SEPTIN14: variants seen among roughly 807,000 people sequenced by gnomAD.
SEPTIN14 encodes the protein septin-14.
Under a neutral mutation model 53.6 loss-of-function variants are expected in SEPTIN14, and 40 were observed. The ratio of observed to expected loss-of-function variants is 0.75; its 90% CI spans 0.58 to 0.97. The LOEUF (loss-of-function observed/expected upper bound fraction) is 0.97, where lower values mean the gene tolerates loss of function less well. SEPTIN14 is among the 50% of genes least tolerant of loss of function. The probability of loss-of-function intolerance (pLI) is 0.00; values close to 1 mark genes in which losing one functional copy is unlikely to be tolerated. For synonymous variants in SEPTIN14, 138 were observed against 166.8 expected, an observed-to-expected ratio of 0.83 and a Z score of 1.33; for missense variants, 471 against 508.2, an observed-to-expected ratio of 0.93 and a Z score of 0.70.
At position 55,821,086 on chromosome 7, in the gene SEPTIN14, C is replaced by T. The variant is rs529718902; in HGVS notation, c.721-1863G>A. Among the ~76,000 whole-genome samples, 13 of 152,278 alleles carry T rather than the reference C, an allele frequency of 8.5e-5. 1 individual carries two copies. The highest frequency in any genetic ancestry group is 2.4e-4 in the African/African-American group (10 of 41,548). On this transcript the variant is annotated intron_variant, in intron 6 of 9. Transcript: ENST00000388975. ...CCAGAACCAGAGACAACACAGCATTCGCATCCAACCCCCATCTACCTGTTT... is the reference window on the plus strand; with the variant it reads ...CCAGAACCAGAGACAACACAGCATTTGCATCCAACCCCCATCTACCTGTTT...
chr7:55,855,753 T>C (rs1393708448), intron 2 of SEPTIN14, among the ~76,000 whole-genome samples: 3 of 151,750 alleles, frequency 2.0e-5, no homozygotes, highest in Non-Finnish European at 4.4e-5. Flanking sequence ...GGAGTTTCAC[T>C]ATGTTGGCCA....
intron 2 of SEPTIN14, among the ~76,000 whole-genome samples, chr7:55,847,971 C>T (rs1051553481): frequency 6.6e-6 from 1 of 152,114 alleles, no homozygotes; most frequent in Non-Finnish European, 1.5e-5. Flanking sequence ...TACCACTTTG[C>T]AATGACAGCT....
At chr7:55,831,714 G>A (rs1018257649) in intron 6 of SEPTIN14, among the ~76,000 whole-genome samples, 1 of 152,068 alleles carries the variant, frequency 6.6e-6, no homozygotes, top group Non-Finnish European at 1.5e-5. Flanking sequence ...TGCAAACTTT[G>A]CATCTGACAA....
At chr7:55,833,172 G>A (rs188943353) in intron 6 of SEPTIN14, among the ~76,000 whole-genome samples, 181 of 151,892 alleles carry the variant, frequency 1.2e-3, no homozygotes, top group Non-Finnish European at 1.3e-3. Flanking sequence ...CAAATTAGCC[G>A]GATGTGGTGG....
At chr7:55,809,689 T>A (rs897024406) in intron 7 of SEPTIN14, among the ~76,000 whole-genome samples, 5 of 150,330 alleles carry the variant, frequency 3.3e-5, no homozygotes, top group Non-Finnish European at 7.4e-5. Flanking sequence ...GATGAAATAA[T>A]CTTTTACACC....
At chr7:55,832,649 CAG>C (rs1401501515) in intron 6 of SEPTIN14, among the ~76,000 whole-genome samples, 1 of 152,144 alleles carries the variant, frequency 6.6e-6, no homozygotes, top group East Asian at 1.9e-4. Context: ...AACTCAGAAA[CAG>C]AAAATCAAAT....
At chr7:55,810,054 C>A (rs1788674998) in intron 7 of SEPTIN14, among the ~76,000 whole-genome samples, 1 of 151,550 alleles carries the variant, frequency 6.6e-6, no homozygotes, top group Admixed American at 6.6e-5. Context: ...GGATGGTCTC[C>A]ATCTCCTGAC....
At chr7:55,815,564 T>G (rs766132258) in intron 7 of SEPTIN14, among the ~76,000 whole-genome samples, 9 of 151,328 alleles carry the variant, frequency 5.9e-5, no homozygotes, top group Non-Finnish European at 1.2e-4. Flanking sequence ...TCATTGTGGG[T>G]TTTTTTAAAT....
chr7:55,800,260 G>A (rs1337393751), intron 9 of SEPTIN14, among the ~76,000 whole-genome samples: 3 of 152,188 alleles, frequency 2.0e-5, no homozygotes, highest in Non-Finnish European at 4.4e-5. Flanking sequence ...CTCACGTTAA[G>A]TGAAATAAGC....
Position 55,794,088 on chromosome 7 carries a change from C to T in SEPTIN14, c.*1825G>A, listed in dbSNP as rs1350994571. Reference sequence around the variant, plus strand: ...TATGCCTTATAGTATCATATAATATCATGTTTTATAGCTCTTGGAAAATAG... The same window carrying T: ...TATGCCTTATAGTATCATATAATATTATGTTTTATAGCTCTTGGAAAATAG... On this transcript the variant is annotated 3_prime_UTR_variant, in exon 10 of 10. Transcript: ENST00000388975. The T allele has an allele frequency of 5.3e-5, 8 of 151,938 alleles. No homozygotes were observed. Among genetic ancestry groups the T allele is most frequent in the Non-Finnish European group, 1.2e-4 (8 of 67,964 alleles). 9.4% of individuals were successfully genotyped at this position (151,938 alleles called of 1,614,324 possible).
chr7:55,804,217 T>C (rs984230292), intron 9 of SEPTIN14, among the ~76,000 whole-genome samples: 2 of 150,388 alleles, frequency 1.3e-5, no homozygotes, highest in Non-Finnish European at 3.0e-5. Flanking sequence ...TACCCTTGTA[T>C]ACATCCAAAC....
intron 7 of SEPTIN14, among the ~76,000 whole-genome samples, chr7:55,808,847 C>T (rs950109226): frequency 7.9e-5 from 12 of 152,212 alleles, no homozygotes; most frequent in African/African-American, 2.2e-4. Context: ...CCACCACGCT[C>T]GGCCTGACAA....
rs1446692176 is a variant in SEPTIN14 at position 55,808,763 on chromosome 7, G to A, written c.818-1505C>T. On this transcript the variant is annotated intron_variant, in intron 7 of 9. Transcript: ENST00000388975. ...GATGGAGTTTCACCATGTTGACCAA[G>A]ATGGTTTCGAACTCCTGACCTCAGG... 2.0e-5 allele frequency among the ~76,000 whole-genome samples: 3 copies of A among 152,212 alleles called. No homozygotes were observed. The East Asian group carries it at 5.8e-4, about 29-fold the overall frequency.
chr7:55,812,470 C>T (rs1003547286), intron 7 of SEPTIN14, among the ~76,000 whole-genome samples: 3 of 152,026 alleles, frequency 2.0e-5, no homozygotes, highest in African/African-American at 4.8e-5. Flanking sequence ...ATTGATCAAA[C>T]GGTACGAAGT....
At chr7:55,858,524 G>A (rs897350620) in intron 2 of SEPTIN14, among the ~76,000 whole-genome samples, 1 of 152,098 alleles carries the variant, frequency 6.6e-6, no homozygotes, top group Non-Finnish European at 1.5e-5. Context: ...CATAGGGTAG[G>A]CCAGGCGCAG....
At chr7:55,836,026 C>G (rs1279742192) in intron 5 of SEPTIN14, among the ~76,000 whole-genome samples, 1 of 152,124 alleles carries the variant, frequency 6.6e-6, no homozygotes, top group African/African-American at 2.4e-5. Context: ...TAGGCATGAG[C>G]CACCACACCT....
chr7:55,822,073 G>C (rs1788905265), intron 6 of SEPTIN14, among the ~76,000 whole-genome samples: 1 of 152,162 alleles, frequency 6.6e-6, no homozygotes, highest in Non-Finnish European at 1.5e-5. Context: ...GCACAGGAAA[G>C]ACCAGCCCCC....
At chr7:55,846,028 A>C (rs1474710595) in intron 3 of SEPTIN14, among the ~76,000 whole-genome samples, 2 of 130,710 alleles carry the variant, frequency 1.5e-5, no homozygotes, top group Non-Finnish European at 3.2e-5. Context: ...CAGCATGGGC[A>C]ACAGAGCAAG....
chr7:55,794,012 T>C lies in SEPTIN14; in HGVS notation c.*1901A>G, dbSNP rs541416403. 12 of 152,226 alleles carry C rather than the reference T, an allele frequency of 7.9e-5. No individual in the cohort carries two copies. The South Asian group carries it at 2.1e-3, about 26-fold the overall frequency. The allele number at this position is 152,226 out of a possible 1,614,324, so 9.4% of individuals were successfully genotyped here. The stretch of plus-strand genomic sequence containing the variant: ...TATTTACTTATAAAGTTAAAAGTTA[T>C]ATGGAAAACCAACACTAATTTTTTT... On this transcript the variant is annotated 3_prime_UTR_variant, in exon 10 of 10. Coordinates refer to ENST00000388975, the MANE Select transcript of SEPTIN14 (RefSeq NM_207366.3).
Sources: gnomAD v4.1 joint callset for allele counts (sites outside exome capture counted in the v4.1 genomes callset) on GRCh38, gnomAD v4.1.1 for gene constraint, MANE v1.5 for transcripts, NCBI Gene and HGNC (gene_info 2026-07-23, HGNC 2026-07-21) for gene names.